Variants in CSMD2 observed in about 807,000 individuals in gnomAD.
CSMD2 encodes the protein CUB and Sushi multiple domains 2, also known as CUB and sushi domain-containing protein 2.
CSMD2 carries 130 observed loss-of-function variants against 398.5 expected under a neutral mutation model. The ratio of observed to expected loss-of-function variants is 0.33; its 90% CI spans 0.28 to 0.38. CSMD2 has a LOEUF of 0.38. Ranked by LOEUF, CSMD2 falls within the 10% of genes least tolerant of loss-of-function variation. The probability of loss-of-function intolerance (pLI) is 1.00; values close to 1 mark genes in which losing one functional copy is unlikely to be tolerated. For missense variants in CSMD2, 3,829 were observed against 4,764.9 expected, an observed-to-expected ratio of 0.80 and a Z score of 5.78; for synonymous variants, 1,828 against 1,908.5, an observed-to-expected ratio of 0.96 and a Z score of 1.10.
At chr1:33,727,188 T>C (rs958493179) in intron 15 of CSMD2, among the ~76,000 whole-genome samples, 2 of 152,180 alleles carry the variant, frequency 1.3e-5, no homozygotes, top group Admixed American at 6.5e-5. Flanking sequence ...ATCCCCAGTA[T>C]TGAGCATGGT....
Position 33,601,016 on chromosome 1 carries a change from C to A in CSMD2, c.6711-6G>T. 1 of 1,614,086 alleles carries A rather than the reference C, an allele frequency of 6.2e-7. No homozygotes were observed. The highest frequency in any genetic ancestry group is 8.5e-7 in the Non-Finnish European group (1 of 1,179,980). ...CTGTTTGCTGTGGCCCATCCCTGTACACAGGAAACAAGGTCCTGGCATGTC... is the reference window on the plus strand; with the variant it reads ...CTGTTTGCTGTGGCCCATCCCTGTAAACAGGAAACAAGGTCCTGGCATGTC... On this transcript the variant is annotated splice_polypyrimidine_tract_variant and splice_region_variant and intron_variant, in intron 43 of 70. Coordinates refer to ENST00000373381, the MANE Select transcript of CSMD2 (RefSeq NM_001281956.2).
chr1:33,726,522 C>A (rs1335030403), intron 16 of CSMD2, 25 bp downstream of exon 16: 1 of 1,597,708 alleles, frequency 6.3e-7, no homozygotes, highest in South Asian at 1.1e-5. Flanking sequence ...CTTGCCCTCT[C>A]CCCCAAGGCT....
intron 3 of CSMD2, among the ~76,000 whole-genome samples, chr1:33,956,949 T>C (rs1570624685): frequency 6.6e-6 from 1 of 152,074 alleles, no homozygotes; most frequent in African/African-American, 2.4e-5. Context: ...TCTCTGCTGG[T>C]GCCCTTGATT....
At position 33,521,634 on chromosome 1, in the gene CSMD2, C is replaced by T. The variant is rs71647937; in HGVS notation, c.10510-84G>A. 4.5e-6 allele frequency: 4 copies of T among 891,266 alleles called. No individual in the cohort carries two copies. The Admixed American group carries it at 5.3e-5, about 12-fold the overall frequency. The allele number at this position is 891,266 out of a possible 1,614,324, so 55.2% of individuals were successfully genotyped here. A position where few individuals can be genotyped will look rare whatever the true frequency, so the allele number is the denominator to read the frequency against. ...CTCTCTCATCATACACGCTGCCCAG[C>T]AGGTCACCCACTGACCTGCTGCTCT... is the stretch of plus-strand genomic sequence containing the variant. On this transcript the variant is annotated intron_variant, in intron 67 of 70. Coordinates refer to ENST00000373381, the MANE Select transcript of CSMD2 (RefSeq NM_001281956.2).
intron 26 of CSMD2, among the ~76,000 whole-genome samples, chr1:33,658,740 T>C (rs902065407): frequency 1.3e-5 from 2 of 152,154 alleles, no homozygotes; most frequent in Non-Finnish European, 2.9e-5. Context: ...GATAGTTGCC[T>C]GTTATTCTAG....
intron 10 of CSMD2, among the ~76,000 whole-genome samples, chr1:33,803,715 C>A (rs1557920167): frequency 6.6e-6 from 1 of 152,222 alleles, no homozygotes; most frequent in Non-Finnish European, 1.5e-5. Context: ...GTGGATGTCC[C>A]CATTTTTCCT....
At chr1:33,902,493 G>A (rs1303592209) in intron 5 of CSMD2, among the ~76,000 whole-genome samples, 2 of 152,116 alleles carry the variant, frequency 1.3e-5, no homozygotes, top group Non-Finnish European at 2.9e-5. Context: ...AAAAATCACC[G>A]ATGCCTGGGT....
chr1:33,528,756 A>C (rs549199694), intron 64 of CSMD2, among the ~76,000 whole-genome samples: 4 of 152,360 alleles, frequency 2.6e-5, no homozygotes, highest in Admixed American at 2.6e-4. Flanking sequence ...GCTGCCTCTA[A>C]AACATTATAT....
chr1:34,065,441 A>C (rs749298918), intron 2 of CSMD2, among the ~76,000 whole-genome samples: 7 of 152,154 alleles, frequency 4.6e-5, no homozygotes, highest in African/African-American at 1.7e-4. Context: ...AACCATCCCC[A>C]AAACTGCCCC....
intron 3 of CSMD2, among the ~76,000 whole-genome samples, chr1:34,024,914 CGA>C (rs1427380020): frequency 6.6e-6 from 1 of 152,128 alleles, no homozygotes; most frequent in Non-Finnish European, 1.5e-5. Context: ...AGGCTGAGGC[CGA>C]GAGAGAGAAT....
intron 3 of CSMD2, among the ~76,000 whole-genome samples, chr1:33,992,652 AG>A (rs1646593976): frequency 6.6e-6 from 1 of 151,444 alleles, no homozygotes; most frequent in Admixed American, 6.6e-5. Context: ...GCAGATCACG[AG>A]GTCAGGAGAT....
intron 58 of CSMD2, 82 bp downstream of exon 58, chr1:33,542,638 T>A (rs1334673820): frequency 2.3e-6 from 3 of 1,294,818 alleles, no homozygotes; most frequent in Non-Finnish European, 3.2e-6. Context: ...TTCTGCACCA[T>A]CTTCCATGGA....
intron 15 of CSMD2, among the ~76,000 whole-genome samples, chr1:33,733,992 C>T (rs371142966): frequency 2.5e-4 from 38 of 152,232 alleles, no homozygotes; most frequent in African/African-American, 7.2e-4. Flanking sequence ...ACTGTTTTTG[C>T]GGATTCTCAT....
At chr1:34,080,836 A>G (rs911995923) in intron 2 of CSMD2, among the ~76,000 whole-genome samples, 3 of 152,108 alleles carry the variant, frequency 2.0e-5, no homozygotes, top group African/African-American at 7.2e-5. Context: ...TAATTTAGAT[A>G]AAAGAGAATA....
intron 2 of CSMD2, among the ~76,000 whole-genome samples, chr1:34,038,105 G>C (rs555521981): frequency 6.6e-6 from 1 of 152,220 alleles, no homozygotes; most frequent in East Asian, 1.9e-4. Context: ...CTGAATCATC[G>C]CTCCCCCACC....
chr1:33,853,056 T>C (rs1194830622), intron 5 of CSMD2, among the ~76,000 whole-genome samples: 1 of 152,216 alleles, frequency 6.6e-6, no homozygotes, highest in Non-Finnish European at 1.5e-5. Flanking sequence ...AAGTAGGGAA[T>C]CATAAAAAAG....
chr1:33,939,992 T>C (rs1274876800), intron 3 of CSMD2, among the ~76,000 whole-genome samples: 4 of 152,208 alleles, frequency 2.6e-5, no homozygotes, highest in Non-Finnish European at 5.9e-5. Flanking sequence ...CACCACAAAC[T>C]AGGTGGCTGA....
intron 3 of CSMD2, among the ~76,000 whole-genome samples, chr1:34,003,569 C>A (rs1192668164): frequency 6.6e-6 from 1 of 152,208 alleles, no homozygotes; most frequent in African/African-American, 2.4e-5. Context: ...CATGCATTAT[C>A]TTCACAGGAG....
chr1:34,151,814 T>TCCCTA (rs1553121716), intron 1 of CSMD2, among the ~76,000 whole-genome samples: 1 of 86,718 alleles, frequency 1.2e-5, no homozygotes, highest in East Asian at 2.9e-4. Context: ...CCTCCCTCCC[T>TCCCTA]CCCCCCCCTT....
Sources: allele counts gnomAD v4.1 joint callset (sites outside exome capture counted in the v4.1 genomes callset), GRCh38; gene constraint gnomAD v4.1.1; transcripts MANE v1.5; gene names NCBI Gene and HGNC (gene_info 2026-07-23, HGNC 2026-07-21).